The following STAG1 variants were observed in gnomAD, a reference collection of about 807,000 sequenced individuals.
STAG1 encodes the protein cohesin subunit SA-1.
Under a neutral mutation model 170.9 loss-of-function variants are expected in STAG1, and 26 were observed. The observed-to-expected ratio is 0.15, with a 90% CI of 0.11 to 0.21. The LOEUF (loss-of-function observed/expected upper bound fraction) is 0.21. STAG1 is among the 10% of genes least tolerant of loss of function. STAG1 has a pLI of 1.00. For missense variants in STAG1, 964 were observed against 1,509.5 expected (o/e 0.64, Z 5.99); for synonymous variants, 514 against 497.7 (o/e 1.03, Z -0.44).
At chr3:136,659,159 G>C (rs544482713) in intron 1 of STAG1, among the ~76,000 whole-genome samples, 105 of 152,164 alleles carry the variant, frequency 6.9e-4, no homozygotes, top group South Asian at 1.4e-3. Flanking sequence ...TGATAGCTGT[G>C]AAAGTGTTTC....
chr3:136,588,708 ACCT>A (rs1937975819), intron 4 of STAG1, among the ~76,000 whole-genome samples: 1 of 148,974 alleles, frequency 6.7e-6, no homozygotes, highest in Admixed American at 6.7e-5. Flanking sequence ...ACTCACCACA[ACCT>A]CCGCCTCCCG....
chr3:136,518,392 T>C (rs1438256518), intron 7 of STAG1: 1 of 700,294 alleles, frequency 1.4e-6, no homozygotes, highest in African/African-American at 1.8e-5. Context: ...TCCTGCCCAT[T>C]TTATCTAGTC....
Position 136,704,113 on chromosome 3 carries a change from C to T in STAG1, c.-84+48082G>A, listed in dbSNP as rs1292605771. 2.0e-5 allele frequency among the ~76,000 whole-genome samples: 3 copies of T among 147,918 alleles called. No individual in the cohort carries two copies. The East Asian group carries it at 6.2e-4, about 31-fold the overall frequency. On this transcript the variant is annotated intron_variant, in intron 1 of 33. Transcript: ENST00000383202. ...TCGCCCAGGCTGGAGTGCAGTGGTG[C>T]GATCTCGGCTCACTTCAACCTCTGC... is the stretch of plus-strand genomic sequence containing the variant.
intron 5 of STAG1, among the ~76,000 whole-genome samples, chr3:136,548,107 CTGTTT>C (rs1417463691): frequency 8.6e-5 from 13 of 151,340 alleles, no homozygotes; most frequent in Middle Eastern, 3.2e-3. Flanking sequence ...TAGTGCCAAA[CTGTTT>C]TGTTTTGTTT....
At chr3:136,666,362 A>C (rs897003833) in intron 1 of STAG1, among the ~76,000 whole-genome samples, 1 of 152,134 alleles carries the variant, frequency 6.6e-6, no homozygotes, top group African/African-American at 2.4e-5. Flanking sequence ...AGACCTATGG[A>C]AACTATGAGA....
chr3:136,436,018 C>T (rs34154714), intron 15 of STAG1, among the ~76,000 whole-genome samples: 12,846 of 151,734 alleles, frequency 0.085, 702 homozygotes, highest in Middle Eastern at 0.12. Flanking sequence ...AAGGCAATGG[C>T]GTGATCTCAG....
At chr3:136,682,992 T>G (rs1344858529) in intron 1 of STAG1, among the ~76,000 whole-genome samples, 1 of 152,144 alleles carries the variant, frequency 6.6e-6, no homozygotes, top group African/African-American at 2.4e-5. Context: ...GGATATTGTG[T>G]TAAGCGAAAT....
At chr3:136,705,705 T>C (rs889174063) in intron 1 of STAG1, among the ~76,000 whole-genome samples, 1 of 152,186 alleles carries the variant, frequency 6.6e-6, no homozygotes, top group African/African-American at 2.4e-5. Flanking sequence ...ACTCCTCCTT[T>C]GTCTTCTGCC....
chr3:136,657,302 A>G (rs9857405), intron 1 of STAG1, among the ~76,000 whole-genome samples: 150,760 of 151,040 alleles, frequency 1, 75,240 homozygotes, highest in African/African-American at 1. Flanking sequence ...GGGTTCAAGC[A>G]ATTCTTGTCC....
intron 9 of STAG1, among the ~76,000 whole-genome samples, chr3:136,497,879 G>C (rs538478026): frequency 7.5e-4 from 111 of 147,764 alleles, no homozygotes; most frequent in African/African-American, 2.3e-3. Flanking sequence ...TCCTCAATCT[G>C]ATAAGGGGCA....
chr3:136,609,388 A>C (rs912027150), intron 3 of STAG1: 9 of 148,386 alleles, frequency 6.1e-5, no homozygotes, highest in African/African-American at 2.2e-4. Context: ...TTTGTATATA[A>C]ATTTGTATAT....
intron 13 of STAG1, among the ~76,000 whole-genome samples, chr3:136,463,770 T>TATACACAC (rs1553725822): frequency 1.6e-5 from 2 of 126,396 alleles, no homozygotes; most frequent in East Asian, 2.3e-4. Flanking sequence ...TGTGTGTGTA[T>TATACACAC]ACACACACAC....
In STAG1 at chr3:136,681,147, C is replaced by G. The variant is rs1031661146; in HGVS notation, c.-83-50166G>C. Among the ~76,000 whole-genome samples, 6 of 152,066 alleles carry G rather than the reference C, an allele frequency of 3.9e-5. No homozygotes were observed. The South Asian group carries it at 1.0e-3, about 26-fold the overall frequency. ...TTTTTTCCCCAAAATATTTTCTACC[C>G]ACAGTTGGCTGAATCCACAGATATA... On this transcript the variant is annotated intron_variant, in intron 1 of 33. Transcript: ENST00000383202.
chr3:136,430,806 GACACACACACACACACAC>G (rs35492621), intron 16 of STAG1, among the ~76,000 whole-genome samples: 81 of 131,160 alleles, frequency 6.2e-4, no homozygotes, highest in African/African-American at 1.6e-3. Context: ...GACATAGACA[GACACACACACACACACAC>G]ACACACACAC....
intron 1 of STAG1, among the ~76,000 whole-genome samples, chr3:136,687,829 T>G (rs907529411): frequency 6.6e-6 from 1 of 151,614 alleles, no homozygotes; most frequent in Non-Finnish European, 1.5e-5. Context: ...CTCCACCTCC[T>G]GGGTTCAAGT....
intron 1 of STAG1, among the ~76,000 whole-genome samples, chr3:136,681,982 G>C (rs1240327910): frequency 6.6e-6 from 1 of 152,058 alleles, no homozygotes; most frequent in Non-Finnish European, 1.5e-5. Context: ...GATGGCCACA[G>C]TCACCCTTTC....
At chr3:136,512,886 C>T (rs1227237421) in intron 7 of STAG1, among the ~76,000 whole-genome samples, 1 of 152,118 alleles carries the variant, frequency 6.6e-6, no homozygotes, top group African/African-American at 2.4e-5. Context: ...ACAATAACTA[C>T]AGAGCCAAGA....
intron 7 of STAG1, among the ~76,000 whole-genome samples, chr3:136,516,630 C>G (rs967259887): frequency 6.6e-6 from 1 of 152,106 alleles, no homozygotes; most frequent in African/African-American, 2.4e-5. Context: ...TGTCTTATTA[C>G]TTTTTATTAA....
At chr3:136,395,872 A>G (rs1338858324) in intron 22 of STAG1, among the ~76,000 whole-genome samples, 4 of 152,226 alleles carry the variant, frequency 2.6e-5, no homozygotes, top group African/African-American at 9.6e-5. Flanking sequence ...ATTTTAATAT[A>G]TAAATTCAAT....
Sources: allele counts gnomAD v4.1 joint callset (sites outside exome capture counted in the v4.1 genomes callset), GRCh38; gene constraint gnomAD v4.1.1; transcripts MANE v1.5; gene names NCBI Gene and HGNC (gene_info 2026-07-23, HGNC 2026-07-21).